RNF216: variants seen among roughly 807,000 people sequenced by gnomAD.
RNF216 encodes ring finger protein 216.
In RNF216, 72 loss-of-function variants were observed where a neutral mutation model predicts 110.8. The observed-to-expected ratio is 0.65, with a 90% confidence interval of 0.54 to 0.79. RNF216 has a LOEUF of 0.79. RNF216 is among the 30% of genes least tolerant of loss of function. The pLI, the probability that RNF216 is intolerant of heterozygous loss-of-function variation, is 0.00. For missense variants in RNF216, 1,342 were observed against 1,141.2 expected (o/e 1.18, Z -2.54); for synonymous variants, 495 against 407.5 (o/e 1.21, Z -2.59).
chr7:5,716,085 T>C (rs2128632542), intron 10 of RNF216, among the ~76,000 whole-genome samples: 1 of 152,070 alleles, frequency 6.6e-6, no homozygotes, highest in South Asian at 2.1e-4. Flanking sequence ...AGAAATGGGG[T>C]GCTGCTATGT....
intron 15 of RNF216, among the ~76,000 whole-genome samples, chr7:5,632,754 G>A (rs780046771): frequency 6.6e-6 from 1 of 152,052 alleles, no homozygotes; most frequent in Non-Finnish European, 1.5e-5. Context: ...TCCAGCCTGG[G>A]CGACAAGAGC....
At chr7:5,747,280 G>C (rs981578967) in intron 3 of RNF216, among the ~76,000 whole-genome samples, 5 of 152,200 alleles carry the variant, frequency 3.3e-5, no homozygotes, top group Admixed American at 6.5e-5. Context: ...AGAATTCAGA[G>C]TCTTAATTAT....
chr7:5,734,634 G>C (rs552877553), intron 5 of RNF216, among the ~76,000 whole-genome samples: 5 of 136,286 alleles, frequency 3.7e-5, no homozygotes, highest in South Asian at 2.2e-4. Flanking sequence ...GGTAGAGTCT[G>C]TCGTTGAAAA....
intron 14 of RNF216, among the ~76,000 whole-genome samples, chr7:5,647,429 G>C (rs1481400840): frequency 6.7e-6 from 1 of 148,662 alleles, no homozygotes; most frequent in Non-Finnish European, 1.5e-5. Flanking sequence ...GAACTCCTGG[G>C]TTCAAGGGAT....
intron 13 of RNF216, among the ~76,000 whole-genome samples, chr7:5,705,083 TCTC>T (rs1184934183): frequency 1.3e-5 from 2 of 152,098 alleles, no homozygotes; most frequent in African/African-American, 4.8e-5. Context: ...ACCTTACCCC[TCTC>T]CTCCTCTTTC....
Position 5,624,026 on chromosome 7 carries a change from T to C in RNF216, c.2452+30A>G. On this transcript the variant is annotated intron_variant, in intron 16 of 16. Coordinates refer to ENST00000389902, the MANE Select transcript of RNF216 (RefSeq NM_207111.4). This position sits in a 1 kb window ranked among gnomAD's most constrained non-coding sequence, Gnocchi z 4.4. ...AGCCTGCATGGCCTGGCTGCTGCTC[T>C]GTCCTGGGGGCCTGGGGAGGGGCAC... 6.2e-7 allele frequency: 1 copy of C among 1,602,856 alleles called. No homozygotes were observed. The highest frequency in any genetic ancestry group is 8.5e-7 in the Non-Finnish European group (1 of 1,171,978).
intron 6 of RNF216, among the ~76,000 whole-genome samples, chr7:5,729,988 T>A (rs1793994353): frequency 6.6e-6 from 1 of 152,220 alleles, no homozygotes; most frequent in Non-Finnish European, 1.5e-5. Context: ...TACTTGACCA[T>A]ATAACACACT....
chr7:5,685,498 C>G (rs1006349788), intron 13 of RNF216, among the ~76,000 whole-genome samples: 12 of 152,208 alleles, frequency 7.9e-5, no homozygotes, highest in African/African-American at 2.9e-4. Flanking sequence ...GCACACTAAA[C>G]ATTACAACTT....
At chr7:5,673,569 G>C (rs1014630256) in intron 13 of RNF216, among the ~76,000 whole-genome samples, 2 of 152,240 alleles carry the variant, frequency 1.3e-5, no homozygotes, top group African/African-American at 4.8e-5. Flanking sequence ...GCAGGATCAA[G>C]TGCAGGAGGC....
chr7:5,735,622 C>T (rs547653042), intron 5 of RNF216, among the ~76,000 whole-genome samples: 18 of 152,206 alleles, frequency 1.2e-4, no homozygotes, highest in Admixed American at 5.9e-4. Context: ...TCATCCAGAA[C>T]GCATCTCAGA....
At chr7:5,673,423 G>A (rs756423972) in intron 13 of RNF216, among the ~76,000 whole-genome samples, 3 of 152,198 alleles carry the variant, frequency 2.0e-5, no homozygotes, top group Non-Finnish European at 4.4e-5. Context: ...CCTGGTTTGC[G>A]AGAAGAGAAG....
In RNF216 at chr7:5,626,965, G is replaced by T. The variant is rs1786746014; in HGVS notation, c.2383-2840C>A. Among the ~76,000 whole-genome samples the T allele has an allele frequency of 1.3e-5, 2 of 152,220 alleles. 1 individual carries two copies. Among genetic ancestry groups the T allele is most frequent in the South Asian group, 4.2e-4 (2 of 4,818 alleles). ...GACACCCACAGTATTTCTTTCAGGG[G>T]TCCTCACTCTGGTCCGTTACTAATC... On this transcript the variant is annotated intron_variant, in intron 15 of 16. Coordinates refer to ENST00000389902, the MANE Select transcript of RNF216 (RefSeq NM_207111.4).
At chr7:5,781,357 C>CGCCCA (rs1270137758) in intron 1 of RNF216, among the ~76,000 whole-genome samples, 184 bp downstream of exon 1, 3 of 152,018 alleles carry the variant, frequency 2.0e-5, no homozygotes, top group South Asian at 2.1e-4. Flanking sequence ...GGGCTCGAGA[C>CGCCCA]GCCCAGCCCA....
intron 11 of RNF216, chr7:5,713,489 C>T (rs1259697924): frequency 6.6e-6 from 1 of 152,298 alleles, no homozygotes; most frequent in East Asian, 1.9e-4. Flanking sequence ...TCCTCCCCCT[C>T]AGTTTCAGAA....
chr7:5,773,204 T>G (rs1021680866), intron 1 of RNF216, among the ~76,000 whole-genome samples: 1 of 152,164 alleles, frequency 6.6e-6, no homozygotes, highest in Non-Finnish European at 1.5e-5. Flanking sequence ...GGTATCAAAT[T>G]TGAACTGCAT....
intron 1 of RNF216, among the ~76,000 whole-genome samples, chr7:5,779,628 T>A (rs1201445517): frequency 7.0e-6 from 1 of 143,868 alleles, no homozygotes; most frequent in Non-Finnish European, 1.5e-5. Context: ...AACCCAGGAG[T>A]TGGGCAGCAC....
In RNF216 at chr7:5,736,987, G is replaced by A. The variant is rs540169832; in HGVS notation, c.1121+2289C>T. Among the ~76,000 whole-genome samples the A allele has an allele frequency of 1.7e-3, 251 of 151,930 alleles. 3 individuals are homozygous for A. The highest frequency in any genetic ancestry group is 5.3e-3 in the African/African-American group (221 of 41,448). The stretch of plus-strand genomic sequence containing the variant: ...GGCTGCCCCTTCTGGGAAGTGAGGA[G>A]CCCCTCTGCCCGGCCGCCACCCCGT... On this transcript the variant is annotated intron_variant, in intron 5 of 16. Coordinates refer to ENST00000389902, the MANE Select transcript of RNF216 (RefSeq NM_207111.4).
intron 8 of RNF216, 95 bp from the exon 9 acceptor site, chr7:5,721,267 T>C: frequency 9.5e-7 from 1 of 1,055,512 alleles, no homozygotes. Flanking sequence ...ATCCTCCACC[T>C]TCTCTCTGAT....
chr7:5,774,686 C>T (rs1232985376), intron 1 of RNF216, among the ~76,000 whole-genome samples: 3 of 151,428 alleles, frequency 2.0e-5, no homozygotes, highest in Admixed American at 2.0e-4. Flanking sequence ...CACAAGTACA[C>T]AGGAAATGCA....
Sources: allele counts gnomAD v4.1 joint callset (sites outside exome capture counted in the v4.1 genomes callset), GRCh38; gene constraint gnomAD v4.1.1; non-coding constraint Gnocchi (gnomAD v3.1); transcripts MANE v1.5; gene names NCBI Gene and HGNC (gene_info 2026-07-23, HGNC 2026-07-21).